Variants in DENND2B observed in about 807,000 individuals in gnomAD.
The protein encoded by DENND2B is DENN domain-containing protein 2B.
DENND2B carries 32 observed loss-of-function variants against 116.0 expected under a neutral mutation model. The ratio of observed to expected loss-of-function variants is 0.28; its 90% CI spans 0.21 to 0.37. The LOEUF is 0.37. DENND2B is among the 10% of genes least tolerant of loss of function. The probability of loss-of-function intolerance (pLI) is 1.00; values close to 1 mark genes in which losing one functional copy is unlikely to be tolerated. For synonymous variants in DENND2B, 588 were observed against 583.9 expected (o/e 1.01, Z -0.10); for missense variants, 1,276 against 1,477.7 (o/e 0.86, Z 2.24).
At chr11:8,788,997 C>T (rs2059149554) in intron 1 of DENND2B, among the ~76,000 whole-genome samples, 1 of 152,204 alleles carries the variant, frequency 6.6e-6, no homozygotes, top group South Asian at 2.1e-4. Flanking sequence ...TCCACTGTAC[C>T]TACCTAAAAA....
intron 2 of DENND2B, among the ~76,000 whole-genome samples, chr11:8,738,821 T>G: frequency 6.6e-6 from 1 of 152,200 alleles, no homozygotes; most frequent in Non-Finnish European, 1.5e-5. Context: ...CCCTTCATTA[T>G]CCCACATTGT....
chr11:8,820,307 C>G (rs1449068112), intron 4 of DENND2B, among the ~76,000 whole-genome samples: 1 of 152,080 alleles, frequency 6.6e-6, no homozygotes, highest in African/African-American at 2.4e-5. Context: ...CTATGCTAAA[C>G]AAAGCACAGA....
chr11:8,874,159 C>A (rs976288721), upstream of DENND2B, among the ~76,000 whole-genome samples: 3 of 152,196 alleles, frequency 2.0e-5, no homozygotes, highest in Admixed American at 6.5e-5. Flanking sequence ...GTCTCCTCCA[C>A]CCGCAAGCCA....
At chr11:8,735,730 T>G (rs1037380863) in intron 2 of DENND2B, among the ~76,000 whole-genome samples, 3 of 152,224 alleles carry the variant, frequency 2.0e-5, no homozygotes, top group African/African-American at 7.2e-5. Context: ...CACCAGTCTT[T>G]GCTCCCAGGC....
At position 8,698,875 on chromosome 11, in the gene DENND2B, G is replaced by A. The variant is rs1406494404; in HGVS notation, c.2940+58C>T. 2.1e-5 allele frequency: 34 copies of A among 1,586,598 alleles called. No individual in the cohort carries two copies. In the South Asian group the frequency reaches 3.4e-4, roughly 16 times the overall value. The stretch of plus-strand genomic sequence containing the variant: ...AAACAGGTTGTGAAGGTTGAGTAGT[G>A]TGTGTGATGGTGCAGGGTGCTCAGG... On this transcript the variant is annotated intron_variant, in intron 16 of 19. Transcript: ENST00000313726.
Position 8,735,006 on chromosome 11 carries a change from G to C in DENND2B, c.81-3797C>G, listed in dbSNP as rs138606430. ...TGGATCCTGAACGCTGTCGGGGCAG[G>C]GGGGCGGGAGGGCGGGGAGTAAATC... On this transcript the variant is annotated intron_variant, in intron 2 of 19. Transcript: ENST00000313726. Among the ~76,000 whole-genome samples, 1,222 of 151,098 alleles carry C rather than the reference G, an allele frequency of 8.1e-3. 19 individuals are homozygous for C. Among genetic ancestry groups the C allele is most frequent in the African/African-American group, 0.028 (1,161 of 40,886 alleles).
At chr11:8,882,481 T>G (rs917943548) in intron 1 of DENND2B, among the ~76,000 whole-genome samples, 10 of 152,218 alleles carry the variant, frequency 6.6e-5, no homozygotes, top group Non-Finnish European at 1.5e-4. Flanking sequence ...GGGTTATTTA[T>G]CTATCAGTAT....
upstream of DENND2B, among the ~76,000 whole-genome samples, chr11:8,875,997 AC>A (rs1189007688): frequency 6.6e-6 from 1 of 152,226 alleles, no homozygotes; most frequent in East Asian, 1.9e-4. Flanking sequence ...TTAGATCTAC[AC>A]AGAATTAAAG....
At chr11:8,715,839 T>C (rs2044662587) in intron 5 of DENND2B, 21 bp from the exon 6 acceptor site, 1 of 1,576,144 alleles carries the variant, frequency 6.3e-7, no homozygotes. Flanking sequence ...GGAGAGGACG[T>C]GCGAGAGGGG....
intron 1 of DENND2B, among the ~76,000 whole-genome samples, chr11:8,899,305 CTT>C (rs1205992469): frequency 6.6e-6 from 1 of 151,314 alleles, no homozygotes; most frequent in East Asian, 1.9e-4. Context: ...TGGCTGAAAA[CTT>C]TATAAATTTG....
rs771102541 is a variant in DENND2B at position 8,730,703 on chromosome 11, G to A, written c.587C>T (p.Ala196Val). The change falls in exon 3 of 20, where the codon GCG becomes GTG. Residue 196 changes from alanine to valine, a missense_variant. Physicochemically the swap from Ala to Val is moderately conservative, Grantham distance 64. This residue lies in a region of DENND2B where 856 missense variants were observed against 846.6 expected (regional missense o/e 1.01). Coordinates refer to ENST00000313726, the MANE Select transcript of DENND2B (RefSeq NM_213618.2). This position sits in a 1 kb window ranked among gnomAD's most constrained non-coding sequence, Gnocchi z 4.1. ...CAGGCTGGGGCAGCCCTCACTGGCC[G>A]CCCACTCGCTCCCAGAGCCCTCCCG... is the stretch of plus-strand genomic sequence containing the variant. ...EKREGSGSEWAASEGCPSLGC... is the reference protein window; with the variant it reads ...EKREGSGSEWVASEGCPSLGC... The A allele has an allele frequency of 1.2e-5, 20 of 1,611,592 alleles. No homozygotes were observed. In the South Asian group the frequency reaches 1.6e-4, roughly 13 times the overall value.
intron 1 of DENND2B, among the ~76,000 whole-genome samples, chr11:8,759,069 T>A (rs2054118239): frequency 1.3e-5 from 2 of 152,122 alleles, no homozygotes; most frequent in African/African-American, 4.8e-5. Context: ...CTGAGTGCCC[T>A]TTCTCCCTCT....
intron 1 of DENND2B, among the ~76,000 whole-genome samples, chr11:8,884,684 A>G (rs1268237920): frequency 3.9e-5 from 6 of 152,172 alleles, no homozygotes; most frequent in Non-Finnish European, 8.8e-5. Context: ...CAATTTCACA[A>G]GATGAAGATA....
chr11:8,835,795 C>G (rs1373879647), intron 4 of DENND2B: 1 of 152,248 alleles, frequency 6.6e-6, no homozygotes, highest in Non-Finnish European at 1.5e-5. Context: ...AGGCTCACAA[C>G]TCTTATCCAG....
chr11:8,770,333 T>G (rs772277272), intron 1 of DENND2B, among the ~76,000 whole-genome samples: 2 of 152,234 alleles, frequency 1.3e-5, no homozygotes, highest in South Asian at 4.1e-4. Context: ...CTAAGCATCT[T>G]GCCCTCGGTT....
At position 8,707,841 on chromosome 11, in the gene DENND2B, C is replaced by G; in HGVS notation, c.2366G>C (p.Gly789Ala). 2 of 1,610,302 alleles carry G rather than the reference C, an allele frequency of 1.2e-6. No homozygotes were observed. Among genetic ancestry groups the G allele is most frequent in the Non-Finnish European group, 1.7e-6 (2 of 1,178,532 alleles). Residue 789 changes from glycine (G) to alanine (A), a missense_variant, in exon 12 of 20, where the codon GGG becomes GCG. This residue lies in a region of DENND2B where 420 missense variants were observed against 631.1 expected (regional missense o/e 0.67). Transcript: ENST00000313726. This position sits in a 1 kb window ranked among gnomAD's most constrained non-coding sequence, Gnocchi z 4.8. ...ACAGTACACCTCTGGCAACCGGGGCCCTTTCCCACTTGGCTGGGCCAGGAC... is the reference window on the plus strand; with the variant it reads ...ACAGTACACCTCTGGCAACCGGGGCGCTTTCCCACTTGGCTGGGCCAGGAC... ...YCRRLLPSGK[G>A]PRLPEVYCVI...
intron 4 of DENND2B, among the ~76,000 whole-genome samples, chr11:8,722,242 C>T (rs1009549622): frequency 5.3e-5 from 8 of 152,234 alleles, no homozygotes; most frequent in Non-Finnish European, 1.0e-4. Context: ...CCACAACCCC[C>T]ATTCGAGTCC....
intron 1 of DENND2B, among the ~76,000 whole-genome samples, chr11:8,776,841 T>A (rs1482183093): frequency 6.6e-6 from 1 of 152,096 alleles, no homozygotes; most frequent in African/African-American, 2.4e-5. Context: ...ATCCCTGCCC[T>A]AAGCCAGGGA....
chr11:8,763,356 T>C (rs533673384), intron 1 of DENND2B, among the ~76,000 whole-genome samples: 1 of 152,224 alleles, frequency 6.6e-6, no homozygotes, highest in South Asian at 2.1e-4. Context: ...AATATAGGTA[T>C]AACCCATGAC....
Sources: allele counts gnomAD v4.1 joint callset (sites outside exome capture counted in the v4.1 genomes callset), GRCh38; gene constraint gnomAD v4.1.1; regional missense constraint gnomAD v4.1.1; non-coding constraint Gnocchi (gnomAD v3.1); transcripts MANE v1.5; gene names NCBI Gene and HGNC (gene_info 2026-07-23, HGNC 2026-07-21).